TSG101: variants seen among roughly 807,000 people sequenced by gnomAD.
The protein encoded by TSG101 is tumor susceptibility gene 101 protein.
TSG101 carries 19 observed loss-of-function variants against 48.5 expected under a neutral mutation model. The ratio of observed to expected loss-of-function variants is 0.39; its 90% CI spans 0.27 to 0.58. TSG101 has a LOEUF of 0.58. Among genes scored for constraint, TSG101 ranks in the 20% least tolerant of loss-of-function variants. TSG101 has a pLI of 0.55. For missense variants in TSG101, 365 were observed against 484.4 expected (o/e 0.75, Z 2.31); for synonymous variants, 174 against 169.4 (o/e 1.03, Z -0.21).
intron 7 of TSG101, among the ~76,000 whole-genome samples, chr11:18,496,653 G>A (rs928618044): frequency 5.3e-5 from 8 of 151,930 alleles, no homozygotes; most frequent in African/African-American, 1.7e-4. Context: ...AAAATTAGCC[G>A]GGCATGGTGG....
chr11:18,487,959 T>C (rs1300160713), intron 7 of TSG101, among the ~76,000 whole-genome samples: 1 of 152,228 alleles, frequency 6.6e-6, no homozygotes, highest in African/African-American at 2.4e-5. Flanking sequence ...GATTATTCTG[T>C]GTAAGGTGAA....
At chr11:18,522,361 G>A (rs1838141812) in intron 1 of TSG101, among the ~76,000 whole-genome samples, 1 of 152,124 alleles carries the variant, frequency 6.6e-6, no homozygotes, top group Non-Finnish European at 1.5e-5. Context: ...TCTTCCATAT[G>A]TGTATACATA....
At chr11:18,504,935 A>G (rs2133920703) in intron 6 of TSG101, among the ~76,000 whole-genome samples, 2 of 152,294 alleles carry the variant, frequency 1.3e-5, no homozygotes, top group East Asian at 1.9e-4. Context: ...CTACCAAAGG[A>G]ATCTTTCTCT....
At chr11:18,526,277 G>C (rs574733330) in intron 1 of TSG101, among the ~76,000 whole-genome samples, 2 of 152,044 alleles carry the variant, frequency 1.3e-5, no homozygotes, top group African/African-American at 2.4e-5. Flanking sequence ...ATTTCACCTG[G>C]GGCAGTAAGG....
At chr11:18,499,648 CA>C (rs1358495470) in intron 7 of TSG101, among the ~76,000 whole-genome samples, 1 of 150,630 alleles carries the variant, frequency 6.6e-6, no homozygotes, top group Non-Finnish European at 1.5e-5. Context: ...CCTGACCTCG[CA>C]ATCTGCCCGC....
intron 9 of TSG101, 124 bp downstream of exon 9, chr11:18,481,506 G>A: frequency 1.4e-6 from 2 of 1,467,200 alleles, no homozygotes; most frequent in South Asian, 2.9e-5. Flanking sequence ...CTCATTTAGT[G>A]TTTTTTGGGA....
intron 1 of TSG101, among the ~76,000 whole-genome samples, chr11:18,526,364 G>T (rs755563843): frequency 6.6e-6 from 1 of 152,212 alleles, no homozygotes; most frequent in African/African-American, 2.4e-5. Context: ...CAAAAGAAAG[G>T]CTAAGACTGG....
intron 2 of TSG101, among the ~76,000 whole-genome samples, chr11:18,516,504 C>T (rs111632548): frequency 0.014 from 2,166 of 152,016 alleles, 15 homozygotes; most frequent in Non-Finnish European, 0.017. Flanking sequence ...GCCACCACAC[C>T]TGACTAATTT....
intron 7 of TSG101, among the ~76,000 whole-genome samples, chr11:18,500,308 A>C (rs1849868506): frequency 6.6e-6 from 1 of 152,140 alleles, no homozygotes; most frequent in South Asian, 2.1e-4. Context: ...GTATTCCTTT[A>C]ATATACTGAT....
In TSG101 at chr11:18,480,656, G is replaced by T. The variant is rs768117587; in HGVS notation, c.1084-21C>A. The T allele has an allele frequency of 1.9e-6, 3 of 1,603,988 alleles. No individual in the cohort carries two copies. In the South Asian group the frequency reaches 3.3e-5, roughly 18 times the overall value. ...ACATGCTGGGAGGGGAGAAAAGTTTGAATAGTTTAGAATGGCTTTGATTTA... is the reference window on the plus strand; with the variant it reads ...ACATGCTGGGAGGGGAGAAAAGTTTTAATAGTTTAGAATGGCTTTGATTTA... On this transcript the variant is annotated intron_variant, in intron 9 of 9. Coordinates refer to ENST00000251968, the MANE Select transcript of TSG101 (RefSeq NM_006292.4).
chr11:18,524,685 T>C (rs1441303695), intron 1 of TSG101, among the ~76,000 whole-genome samples: 1 of 152,108 alleles, frequency 6.6e-6, no homozygotes, highest in Non-Finnish European at 1.5e-5. Flanking sequence ...TAGGATGCCC[T>C]CTCCCACCTC....
intron 3 of TSG101, among the ~76,000 whole-genome samples, chr11:18,515,894 G>A (rs1308765801): frequency 6.6e-6 from 1 of 152,182 alleles, no homozygotes; most frequent in Non-Finnish European, 1.5e-5. Flanking sequence ...GCACTTATTT[G>A]TTCATATATC....
chr11:18,494,378 A>G (rs1849744330), intron 7 of TSG101, among the ~76,000 whole-genome samples: 1 of 152,216 alleles, frequency 6.6e-6, no homozygotes, highest in Non-Finnish European at 1.5e-5. Flanking sequence ...TTAAGAATCT[A>G]TTATGTTAGA....
chr11:18,502,059 T>C (rs1015253430), intron 7 of TSG101, among the ~76,000 whole-genome samples: 3 of 152,218 alleles, frequency 2.0e-5, no homozygotes, highest in Non-Finnish European at 2.9e-5. Flanking sequence ...GAAAATTATA[T>C]TTCAGGTAAC....
chr11:18,480,513 G>A lies in TSG101; in HGVS notation c.*33C>T. The A allele has an allele frequency of 1.3e-6, 2 of 1,569,640 alleles. No individual in the cohort carries two copies. Among genetic ancestry groups the A allele is most frequent in the Non-Finnish European group, 1.7e-6 (2 of 1,143,136 alleles). On this transcript the variant is annotated 3_prime_UTR_variant, in exon 10 of 10. Transcript: ENST00000251968. ...TAAAAGGAAGAGAAGAATACTTTAA[G>A]AAGAGCTCAACCTCCAGCTGGTATC...
At chr11:18,513,956 G>A (rs1367687659) in intron 4 of TSG101, among the ~76,000 whole-genome samples, 1 of 152,010 alleles carries the variant, frequency 6.6e-6, no homozygotes, top group East Asian at 1.9e-4. Context: ...GTGGGCGCCT[G>A]TAATCCCATC....
intron 9 of TSG101, 123 bp downstream of exon 9, chr11:18,481,507 T>C (rs114436060): frequency 1.4e-6 from 2 of 1,467,432 alleles, no homozygotes; most frequent in African/African-American, 2.9e-5. Context: ...TCATTTAGTG[T>C]TTTTTGGGAA....
rs1406703640 is a variant in TSG101, at chr11:18,487,108, G to A, written c.641-3036C>T. On this transcript the variant is annotated intron_variant, in intron 7 of 9. Transcript: ENST00000251968. ...CACAGGAAGGGGAACATCACACATC[G>A]GGACCTGTTGTGGGGTGGGGGGAGG... 7.1e-5 allele frequency among the ~76,000 whole-genome samples: 9 copies of A among 126,504 alleles called. 1 individual carries two copies. Among genetic ancestry groups the A allele is most frequent in the South Asian group, 6.0e-4 (2 of 3,354 alleles). The allele number at this position is 126,504 out of a possible 152,430, so 83.0% of individuals were successfully genotyped here.
intron 1 of TSG101, chr11:18,525,743 A>G: frequency 1.1e-6 from 1 of 905,034 alleles, no homozygotes; most frequent in Non-Finnish European, 1.3e-6. Flanking sequence ...CAAGAAGCCT[A>G]AAATATACGA....
Sources: allele counts gnomAD v4.1 joint callset (sites outside exome capture counted in the v4.1 genomes callset), GRCh38; gene constraint gnomAD v4.1.1; transcripts MANE v1.5; gene names NCBI Gene and HGNC (gene_info 2026-07-23, HGNC 2026-07-21).